The following MDGA2 variants were observed in gnomAD, a reference collection of about 807,000 sequenced individuals.
MDGA2 encodes the protein MAM domain containing glycosylphosphatidylinositol anchor 2.
A neutral mutation model predicts 117.8 loss-of-function variants in MDGA2; 40 were observed. The ratio of observed to expected loss-of-function variants is 0.34; its 90% CI spans 0.26 to 0.44. The LOEUF is 0.44. Among genes scored for constraint, MDGA2 ranks in the 20% least tolerant of loss-of-function variants. The pLI, the probability that MDGA2 is intolerant of heterozygous loss-of-function variation, is 1.00. For missense variants in MDGA2, 1,123 were observed against 1,250.6 expected (o/e 0.90, Z 1.54); for synonymous variants, 452 against 439.0 (o/e 1.03, Z -0.37).
intron 2 of MDGA2, among the ~76,000 whole-genome samples, chr14:47,256,722 A>C (rs573954518): frequency 6.6e-6 from 1 of 152,220 alleles, no homozygotes; most frequent in South Asian, 2.1e-4. Flanking sequence ...TTTGGAAGGA[A>C]ATCGAATAAC....
chr14:47,381,573 A>G (rs1407242906), intron 1 of MDGA2, among the ~76,000 whole-genome samples: 3 of 152,206 alleles, frequency 2.0e-5, no homozygotes, highest in Admixed American at 2.0e-4. Context: ...AATAACAGAC[A>G]AACAGAGAGC....
At chr14:47,324,544 A>T (rs1890084632) in intron 1 of MDGA2, among the ~76,000 whole-genome samples, 2 of 152,148 alleles carry the variant, frequency 1.3e-5, no homozygotes, top group Non-Finnish European at 2.9e-5. Context: ...GAGCCAACTC[A>T]CTGTTTTATC....
At chr14:47,423,392 T>C (rs1417704139) in intron 1 of MDGA2, among the ~76,000 whole-genome samples, 1 of 152,240 alleles carries the variant, frequency 6.6e-6, no homozygotes, top group East Asian at 1.9e-4. Context: ...GATATCCATC[T>C]ACCAGATACT....
intron 8 of MDGA2, among the ~76,000 whole-genome samples, chr14:46,990,552 A>C (rs1200503772): frequency 2.0e-5 from 3 of 152,048 alleles, no homozygotes; most frequent in African/African-American, 4.8e-5. Flanking sequence ...ACACATTTTC[A>C]AAAAATTGTT....
intron 7 of MDGA2, among the ~76,000 whole-genome samples, chr14:47,054,993 T>G (rs901556251): frequency 2.1e-5 from 2 of 94,066 alleles, no homozygotes; most frequent in Non-Finnish European, 4.0e-5. Flanking sequence ...TCCAATTTTT[T>G]TTTCTTTTCT....
chr14:47,617,077 T>C (rs1269408239), intron 1 of MDGA2, among the ~76,000 whole-genome samples: 1 of 152,116 alleles, frequency 6.6e-6, no homozygotes, highest in African/African-American at 2.4e-5. Context: ...TGTTACTAAA[T>C]AAAGAACTTT....
chr14:47,499,306 T>C (rs1337682512), intron 1 of MDGA2, among the ~76,000 whole-genome samples: 1 of 152,176 alleles, frequency 6.6e-6, no homozygotes, highest in Non-Finnish European at 1.5e-5. Flanking sequence ...CAGGATTTGC[T>C]ATAAAGGTGA....
intron 1 of MDGA2, among the ~76,000 whole-genome samples, chr14:47,635,429 AAC>A (rs1897306467): frequency 6.6e-6 from 1 of 152,266 alleles, no homozygotes; most frequent in South Asian, 2.1e-4. Flanking sequence ...CGTAGTATCT[AAC>A]ACAGAGCAGA....
intron 1 of MDGA2, among the ~76,000 whole-genome samples, chr14:47,624,650 T>C (rs1038423758): frequency 6.6e-6 from 1 of 152,198 alleles, no homozygotes; most frequent in Non-Finnish European, 1.5e-5. Context: ...GTAAGATAGA[T>C]GGCAAATAAT....
chr14:47,353,467 T>C (rs1890927262), intron 1 of MDGA2, among the ~76,000 whole-genome samples: 1 of 152,202 alleles, frequency 6.6e-6, no homozygotes. Flanking sequence ...CATTGTGTTC[T>C]CTCAAAATTT....
intron 14 of MDGA2, among the ~76,000 whole-genome samples, chr14:46,867,353 G>T (rs2138343666): frequency 6.6e-6 from 1 of 152,170 alleles, no homozygotes; most frequent in African/African-American, 2.4e-5. Flanking sequence ...GAGATCACAT[G>T]GACACAGCAA....
chr14:47,568,083 A>T (rs879476044), intron 1 of MDGA2, among the ~76,000 whole-genome samples: 1 of 152,038 alleles, frequency 6.6e-6, no homozygotes, highest in Non-Finnish European at 1.5e-5. Context: ...AATAATATGG[A>T]TTATGTTCCA....
intron 1 of MDGA2, among the ~76,000 whole-genome samples, chr14:47,456,196 AT>A (rs1265845483): frequency 6.6e-6 from 1 of 151,658 alleles, no homozygotes; most frequent in Non-Finnish European, 1.5e-5. Flanking sequence ...GGGATATAAT[AT>A]TTTAGATTAT....
chr14:47,439,707 G>T (rs1446602950), intron 1 of MDGA2, among the ~76,000 whole-genome samples: 1 of 151,854 alleles, frequency 6.6e-6, no homozygotes, highest in Non-Finnish European at 1.5e-5. Flanking sequence ...GCGTATGTGT[G>T]TGTCTATGTC....
intron 1 of MDGA2, among the ~76,000 whole-genome samples, chr14:47,568,898 T>C (rs1895967222): frequency 6.6e-6 from 1 of 152,106 alleles, no homozygotes; most frequent in African/African-American, 2.4e-5. Context: ...TTTTTAACTT[T>C]CTTTTGGTAG....
At chr14:47,561,158 G>GTTTTTTTTTTTTTTTTTTTTTTTTTTTT (rs200625450) in intron 1 of MDGA2, among the ~76,000 whole-genome samples, 3 of 55,092 alleles carry the variant, frequency 5.4e-5, no homozygotes, top group Non-Finnish European at 8.7e-5. Flanking sequence ...TTTTTGTTTT[G>GTTTTTTTTTTTTTTTTTTTTTTTTTTTT]TTTTGTTTTT....
chr14:47,595,189 T>C (rs1370458311), intron 1 of MDGA2, among the ~76,000 whole-genome samples: 7 of 151,754 alleles, frequency 4.6e-5, no homozygotes, highest in Non-Finnish European at 5.9e-5. Flanking sequence ...AATGTAATAA[T>C]TGGGGAGAGA....
At chr14:46,842,052 A>C in intron 16 of MDGA2, 33 bp from the exon 17 acceptor site, 1 of 1,488,536 alleles carries the variant, frequency 6.7e-7, no homozygotes, top group Non-Finnish European at 9.4e-7. Flanking sequence ...CAAACAAAAA[A>C]AGAAGAATAA....
At chr14:47,475,289 A>T (rs1893814020) in intron 1 of MDGA2, among the ~76,000 whole-genome samples, 1 of 152,210 alleles carries the variant, frequency 6.6e-6, no homozygotes, top group South Asian at 2.1e-4. Flanking sequence ...ATCTTGTGCC[A>T]GTTAGAATGG....
Sources: allele counts gnomAD v4.1 joint callset (sites outside exome capture counted in the v4.1 genomes callset), GRCh38; gene constraint gnomAD v4.1.1; transcripts MANE v1.5; gene names NCBI Gene and HGNC (gene_info 2026-07-23, HGNC 2026-07-21).